CORO7: variants seen among roughly 807,000 people sequenced by gnomAD.
CORO7 encodes coronin 7.
CORO7 carries 107 observed loss-of-function variants against 126.6 expected under a neutral mutation model. The ratio of observed to expected loss-of-function variants is 0.85; its 90% confidence interval spans 0.72 to 0.99. CORO7 has a LOEUF of 0.99. Among genes scored for constraint, CORO7 ranks in the 50% least tolerant of loss-of-function variants. The probability of loss-of-function intolerance (pLI) is 0.00; values close to 1 mark genes in which losing one functional copy is unlikely to be tolerated. For synonymous variants in CORO7, 603 were observed against 536.8 expected, an observed-to-expected ratio of 1.12 and a Z score of -1.70; for missense variants, 1,314 against 1,255.8, an observed-to-expected ratio of 1.05 and a Z score of -0.70.
At chr16:4,398,215 T>C (rs1434395660) in intron 6 of CORO7, among the ~76,000 whole-genome samples, 2 of 152,158 alleles carry the variant, frequency 1.3e-5, no homozygotes, top group Admixed American at 6.5e-5. Flanking sequence ...CCACCAGGCC[T>C]GGTTTGAATA....
intron 9 of CORO7, 26 bp from the exon 10 acceptor site, chr16:4,365,571 G>T: frequency 6.4e-7 from 1 of 1,565,526 alleles, no homozygotes; most frequent in Non-Finnish European, 8.7e-7. Context: ...CAAGATGGCG[G>T]GTCAGGGCAG....
chr16:4,357,656 G>A (rs1434671879), intron 25 of CORO7: 3 of 398,510 alleles, frequency 7.5e-6, no homozygotes, highest in East Asian at 9.7e-5. Flanking sequence ...GCGCCTGGCC[G>A]ACCTAGGGGA....
intron 9 of CORO7, chr16:4,383,605 G>A (rs1277658754): frequency 9.7e-6 from 1 of 102,570 alleles, no homozygotes; most frequent in African/African-American, 3.0e-5. Context: ...GGGGAGCCAG[G>A]GCCCCTCAGC....
At chr16:4,407,957 C>G (rs2056067847) in intron 4 of CORO7, among the ~76,000 whole-genome samples, 1 of 152,190 alleles carries the variant, frequency 6.6e-6, no homozygotes, top group Admixed American at 6.5e-5. Flanking sequence ...GGCAGCATCC[C>G]CACCTGCTGT....
At chr16:4,392,475 C>G (rs2055429421) in intron 7 of CORO7, among the ~76,000 whole-genome samples, 1 of 152,200 alleles carries the variant, frequency 6.6e-6, no homozygotes, top group Non-Finnish European at 1.5e-5. Context: ...CCCCAGGGTC[C>G]CCTGCTCAAA....
intron 6 of CORO7, among the ~76,000 whole-genome samples, chr16:4,403,670 TG>T (rs2055894077): frequency 6.6e-6 from 1 of 151,922 alleles, no homozygotes; most frequent in African/African-American, 2.4e-5. Context: ...GCCAAGCCGG[TG>T]GCCCATGGGG....
chr16:4,392,221 C>A (rs2055417674), intron 7 of CORO7, among the ~76,000 whole-genome samples: 1 of 152,160 alleles, frequency 6.6e-6, no homozygotes, highest in Non-Finnish European at 1.5e-5. Flanking sequence ...GGCTCCAGGG[C>A]CTCACCCAGC....
chr16:4,376,322 G>T (rs1245665815), intron 9 of CORO7, among the ~76,000 whole-genome samples: 2 of 152,226 alleles, frequency 1.3e-5, no homozygotes, highest in Non-Finnish European at 2.9e-5. Context: ...CTGCCTGGAG[G>T]GGTTGGCAGA....
intron 9 of CORO7, chr16:4,382,304 T>A: frequency 6.2e-7 from 1 of 1,610,432 alleles, no homozygotes; most frequent in South Asian, 1.1e-5. Context: ...CCCACCTCCC[T>A]GCGCGTGGGG....
At chr16:4,375,075 C>G (rs1035451732) in intron 9 of CORO7, among the ~76,000 whole-genome samples, 2 of 152,124 alleles carry the variant, frequency 1.3e-5, no homozygotes, top group African/African-American at 4.8e-5. Flanking sequence ...CCCAGGGCCA[C>G]AGGTGTCCTC....
chr16:4,383,521 G>A (rs1456834178), intron 9 of CORO7: 2 of 166,946 alleles, frequency 1.2e-5, no homozygotes, highest in Non-Finnish European at 1.5e-5. Context: ...AAAAGATGAA[G>A]TGTGTTTCTT....
In CORO7 at chr16:4,416,475, C is replaced by G. The variant is rs1384959298; in HGVS notation, c.44G>C (p.Arg15Pro). 4 of 1,576,954 alleles carry G rather than the reference C, an allele frequency of 2.5e-6. No individual in the cohort carries two copies. Among genetic ancestry groups the G allele is most frequent in the African/African-American group, 1.4e-5 (1 of 70,932 alleles). Reference protein sequence around the residue: ...RVSKFRHTEARPPRRESWISD... With the variant: ...RVSKFRHTEAPPPRRESWISD... ...CGGACTCACCTCGCGGCGGGGCGGC[C>G]GAGCCTCGGTGTGCCGGAACTTGGA... The change falls in exon 1 of 28, where the codon CGG becomes CCG. Residue 15 changes from arginine (R) to proline (P), a missense_variant. Transcript: ENST00000251166.
chr16:4,357,084 G>C, intron 26 of CORO7, 84 bp downstream of exon 26: 2 of 1,549,486 alleles, frequency 1.3e-6, no homozygotes, highest in South Asian at 2.3e-5. Flanking sequence ...CCCAGTCTGG[G>C]TTGGGGATGG....
At chr16:4,380,786 A>G in intron 9 of CORO7, 1 of 1,370,120 alleles carries the variant, frequency 7.3e-7, no homozygotes, top group South Asian at 1.5e-5. Flanking sequence ...GAAGCAGTGA[A>G]TTCCCTCTGG....
At chr16:4,407,858 A>AC (rs2056063606) in intron 4 of CORO7, among the ~76,000 whole-genome samples, 174 bp from the exon 5 acceptor site, 1 of 152,038 alleles carries the variant, frequency 6.6e-6, no homozygotes, top group Non-Finnish European at 1.5e-5. Context: ...GGGGCTGCAT[A>AC]CCCCACATCC....
chr16:4,396,060 C>G (rs1403758345), intron 6 of CORO7, among the ~76,000 whole-genome samples: 1 of 151,862 alleles, frequency 6.6e-6, no homozygotes, highest in Non-Finnish European at 1.5e-5. Context: ...GTATCCACTA[C>G]TACAGGCTGG....
Position 4,365,478 on chromosome 16 carries a change from G to A in CORO7, c.840+13C>T, listed in dbSNP as rs775071953. On this transcript the variant is annotated intron_variant, in intron 10 of 27. Transcript: ENST00000251166. ...GCTGTGGATGTGGGTGGGAGCCCCA[G>A]CTTCTCACTCACCTTTCCTGCCAGG... 1 of 1,556,186 alleles carries A rather than the reference G, an allele frequency of 6.4e-7. No homozygotes were observed. Among genetic ancestry groups the A allele is most frequent in the Non-Finnish European group, 8.7e-7 (1 of 1,150,742 alleles).
At chr16:4,366,557 T>TTTA (rs1375901980) in intron 9 of CORO7, among the ~76,000 whole-genome samples, 8 of 149,270 alleles carry the variant, frequency 5.4e-5, no homozygotes, top group African/African-American at 1.7e-4. Context: ...TTTTTTTTTT[T>TTTA]AAGAGACACG....
intron 9 of CORO7, chr16:4,383,235 C>T (rs1486540312): frequency 3.3e-6 from 1 of 306,476 alleles, no homozygotes; most frequent in Non-Finnish European, 6.3e-6. Context: ...CCACTCCAGG[C>T]GGACCCTGGG....
Sources: allele counts gnomAD v4.1 joint callset (sites outside exome capture counted in the v4.1 genomes callset), GRCh38; gene constraint gnomAD v4.1.1; transcripts MANE v1.5; gene names NCBI Gene and HGNC (gene_info 2026-07-23, HGNC 2026-07-21).